The following CARD8 variants were observed in gnomAD, a reference collection of about 807,000 sequenced individuals.
CARD8 encodes the protein caspase recruitment domain-containing protein 8.
In CARD8, 38 loss-of-function variants were observed where a neutral mutation model predicts 53.2. That is an observed-to-expected ratio of 0.71 (90% CI 0.55 to 0.94). CARD8 has a LOEUF of 0.94. Among genes scored for constraint, CARD8 ranks in the 40% least tolerant of loss-of-function variants. The probability of loss-of-function intolerance (pLI) is 0.00; values close to 1 mark genes in which losing one functional copy is unlikely to be tolerated. For missense variants in CARD8, 561 were observed against 655.5 expected, an observed-to-expected ratio of 0.86 and a Z score of 1.57; for synonymous variants, 245 against 244.9, an observed-to-expected ratio of 1.00 and a Z score of 0.00.
At chr19:48,253,796 T>C (rs1413087111) in intron 1 of CARD8, among the ~76,000 whole-genome samples, 2 of 152,204 alleles carry the variant, frequency 1.3e-5, no homozygotes, top group Admixed American at 1.3e-4. Context: ...ACGGGTAGAA[T>C]GATAAACAGA....
chr19:48,236,460 C>A (rs561219346), intron 5 of CARD8, among the ~76,000 whole-genome samples: 1 of 152,284 alleles, frequency 6.6e-6, no homozygotes, highest in South Asian at 2.1e-4. Flanking sequence ...GTGAACCACC[C>A]GCCCTGGCCT....
At chr19:48,215,864 C>G (rs1335954049) in intron 12 of CARD8, among the ~76,000 whole-genome samples, 2 of 152,060 alleles carry the variant, frequency 1.3e-5, no homozygotes, top group Admixed American at 1.3e-4. Flanking sequence ...CCCATGATGC[C>G]TTCAATGTGG....
At chr19:48,247,708 C>T (rs147419608) in intron 3 of CARD8, among the ~76,000 whole-genome samples, 43 of 150,910 alleles carry the variant, frequency 2.8e-4, no homozygotes, top group East Asian at 7.8e-4. Flanking sequence ...AATTTTCACA[C>T]GCAAAATTTT....
Position 48,210,090 on chromosome 19 carries a change from A to G in CARD8, c.*1620T>C, listed in dbSNP as rs1002474439. On this transcript the variant is annotated 3_prime_UTR_variant, in exon 14 of 14. Coordinates refer to ENST00000651546, the MANE Select transcript of CARD8 (RefSeq NM_001184900.3). ...CCCCAACATAATGAAATGGCTAAAA[A>G]CTAAAGATAAATACCTTGAAATCTG... is the stretch of plus-strand genomic sequence containing the variant. 1 of 132,560 alleles carries G rather than the reference A, an allele frequency of 7.5e-6. No homozygotes were observed. Among genetic ancestry groups the G allele is most frequent in the African/African-American group, 2.6e-5 (1 of 38,366 alleles). 8.2% of individuals were successfully genotyped at this position (132,560 alleles called of 1,614,324 possible).
At position 48,225,069 on chromosome 19, in the gene CARD8, C is replaced by T. The variant is rs112209806; in HGVS notation, c.1036-3214G>A. 3.2e-3 allele frequency among the ~76,000 whole-genome samples: 490 copies of T among 151,700 alleles called. 6 individuals carry two copies. Among genetic ancestry groups the T allele is most frequent in the African/African-American group, 0.011 (468 of 41,432 alleles). On this transcript the variant is annotated intron_variant, in intron 10 of 13. Coordinates refer to ENST00000651546, the MANE Select transcript of CARD8 (RefSeq NM_001184900.3). ...CACCCGGCCCTCCTTGTGCTTTTAACTAATTTATGATTAAACAGAAATGGT... is the reference window on the plus strand; with the variant it reads ...CACCCGGCCCTCCTTGTGCTTTTAATTAATTTATGATTAAACAGAAATGGT...
downstream of CARD8, among the ~76,000 whole-genome samples, chr19:48,207,792 G>A (rs1454480467): frequency 7.6e-6 from 1 of 132,236 alleles, no homozygotes; most frequent in African/African-American, 2.7e-5. Flanking sequence ...CTGGAGTGCA[G>A]TGGTGTGATC....
At chr19:48,228,657 G>A (rs2042245173) in intron 10 of CARD8, among the ~76,000 whole-genome samples, 1 of 152,164 alleles carries the variant, frequency 6.6e-6, no homozygotes, top group Non-Finnish European at 1.5e-5. Flanking sequence ...GACTGCAGGA[G>A]GGAGAGCAGT....
chr19:48,216,729 G>A (rs188163238), intron 12 of CARD8, among the ~76,000 whole-genome samples: 128 of 152,184 alleles, frequency 8.4e-4, no homozygotes, highest in African/African-American at 3.0e-3. Flanking sequence ...ACCACAAAGA[G>A]CAGACAGTCT....
At chr19:48,235,158 T>C (rs988503120) in intron 5 of CARD8, among the ~76,000 whole-genome samples, 8 of 152,156 alleles carry the variant, frequency 5.3e-5, no homozygotes, top group Non-Finnish European at 1.2e-4. Context: ...TATTCAGATA[T>C]GGAACATGAG....
At chr19:48,247,394 T>C (rs1380743747) in intron 3 of CARD8, among the ~76,000 whole-genome samples, 1 of 152,088 alleles carries the variant, frequency 6.6e-6, no homozygotes, top group Non-Finnish European at 1.5e-5. Flanking sequence ...GGGGAATGAA[T>C]AAAGACATCA....
intron 3 of CARD8, among the ~76,000 whole-genome samples, chr19:48,247,088 C>T (rs747890386): frequency 1.3e-5 from 2 of 148,956 alleles, no homozygotes; most frequent in Non-Finnish European, 2.9e-5. Flanking sequence ...CCTTGAGAGG[C>T]CAAGCCGGGT....
intron 3 of CARD8, among the ~76,000 whole-genome samples, chr19:48,247,433 A>G (rs904032515): frequency 2.0e-5 from 3 of 152,220 alleles, no homozygotes; most frequent in Non-Finnish European, 4.4e-5. Context: ...AATAATATGC[A>G]ATTTTAAAAG....
chr19:48,254,712 T>C (rs559326642), intron 1 of CARD8, among the ~76,000 whole-genome samples: 229 of 152,256 alleles, frequency 1.5e-3, no homozygotes, highest in Non-Finnish European at 2.2e-3. Flanking sequence ...CTGAAAGTTG[T>C]CAGAACAAAA....
At chr19:48,218,370 TTTTTC>T (rs1489457368) in intron 12 of CARD8, among the ~76,000 whole-genome samples, 29 of 63,804 alleles carry the variant, frequency 4.5e-4, no homozygotes, top group South Asian at 1.1e-3. Flanking sequence ...TTTTTTTTTT[TTTTTC>T]AGATGGAGTT....
intron 1 of CARD8, among the ~76,000 whole-genome samples, chr19:48,255,427 T>A (rs1168908234): frequency 1.3e-5 from 2 of 152,210 alleles, no homozygotes; most frequent in Non-Finnish European, 2.9e-5. Flanking sequence ...AGGTTAACAC[T>A]TCTAATAATT....
At position 48,231,022 on chromosome 19, in the gene CARD8, G is replaced by C. The variant is rs1005454978; in HGVS notation, c.543-16C>G. ...GAACCAAACGCTGAAAGGAGCCAGAGTGATGTCATGACGGGAGAACCCCAG... is the reference window on the plus strand; with the variant it reads ...GAACCAAACGCTGAAAGGAGCCAGACTGATGTCATGACGGGAGAACCCCAG... On this transcript the variant is annotated splice_polypyrimidine_tract_variant and intron_variant, in intron 8 of 13. Transcript: ENST00000651546. 1.2e-6 allele frequency: 2 copies of C among 1,600,142 alleles called. No homozygotes were observed. The highest frequency in any genetic ancestry group is 2.7e-5 in the African/African-American group (2 of 74,670).
At chr19:48,238,260 G>C in intron 5 of CARD8, 123 bp downstream of exon 5, 1 of 1,400,420 alleles carries the variant, frequency 7.1e-7, no homozygotes, top group Non-Finnish European at 9.3e-7. Context: ...AAGAAGAAAA[G>C]TAACATATAT....
intron 13 of CARD8, chr19:48,215,033 A>G (rs938513275): frequency 5.2e-4 from 110 of 210,560 alleles, no homozygotes; most frequent in African/African-American, 2.4e-3. Context: ...CAAGCAATCC[A>G]CCTGCCTCGG....
chr19:48,221,930 T>C (rs2040725164), intron 10 of CARD8, 75 bp from the exon 11 acceptor site: 1 of 1,283,464 alleles, frequency 7.8e-7, no homozygotes, highest in African/African-American at 1.5e-5. Context: ...AAGTTATTTA[T>C]ATGGTATATT....
Sources: allele counts gnomAD v4.1 joint callset (sites outside exome capture counted in the v4.1 genomes callset), GRCh38; gene constraint gnomAD v4.1.1; transcripts MANE v1.5; gene names NCBI Gene and HGNC (gene_info 2026-07-23, HGNC 2026-07-21).